SVIL: variants seen among roughly 807,000 people sequenced by gnomAD.
The protein encoded by SVIL is supervillin.
A neutral mutation model predicts 240.4 loss-of-function variants in SVIL; 101 were observed. The observed-to-expected ratio is 0.42, with a 90% confidence interval of 0.36 to 0.50. SVIL has a LOEUF of 0.50. Among genes scored for constraint, SVIL ranks in the 20% least tolerant of loss-of-function variants. The pLI is 0.01. For synonymous variants in SVIL, 999 were observed against 1,100.0 expected (o/e 0.91, Z 1.82); for missense variants, 2,512 against 2,818.7 (o/e 0.89, Z 2.46).
At chr10:29,719,300 G>A (rs956785564) in intron 1 of SVIL, among the ~76,000 whole-genome samples, 2 of 152,090 alleles carry the variant, frequency 1.3e-5, no homozygotes, top group Non-Finnish European at 2.9e-5. Flanking sequence ...TGGAACACTC[G>A]GTATAAACGG....
At chr10:29,507,678 G>A in intron 17 of SVIL, 1 of 838,322 alleles carries the variant, frequency 1.2e-6, no homozygotes, top group Non-Finnish European at 1.4e-6. Flanking sequence ...TAAAACAGAA[G>A]TTCTTTTCCT....
rs144747242 is a variant in SVIL, at chr10:29,500,616, C to T, written c.3517-1353G>A. On this transcript the variant is annotated intron_variant, in intron 17 of 37. Transcript: ENST00000355867. ...AGGAGGTTCCCCAGATTGCTGCTAG[C>T]GCATCTGCTTTCAAATTACTTCTGA... Among the ~76,000 whole-genome samples the T allele has an allele frequency of 4.4e-3, 674 of 152,282 alleles. 7 individuals carry two copies. Among genetic ancestry groups the T allele is most frequent in the African/African-American group, 0.015 (624 of 41,560 alleles).
At chr10:29,577,396 A>C (rs569588724) in intron 1 of SVIL, among the ~76,000 whole-genome samples, 53 of 152,270 alleles carry the variant, frequency 3.5e-4, no homozygotes, top group African/African-American at 1.3e-3. Context: ...TTGAGTCCTC[A>C]TAGCTTAGCT....
rs749109059 is a variant in SVIL at position 29,530,628 on chromosome 10, G to A, written c.2085C>T (p.Ala695=). 1.7e-5 allele frequency: 27 copies of A among 1,614,094 alleles called. No individual in the cohort carries two copies. Among genetic ancestry groups the A allele is most frequent in the East Asian group, 4.5e-5 (2 of 44,870 alleles). ...KVDERAKLSV[A]AKRLLFREME... Reference sequence around the variant, plus strand: ...TTACCCTGAAAAGCAACCTCTTGGCGGCGACGCTCAGCTTGGCTCGTTCAT... The same window carrying A: ...TTACCCTGAAAAGCAACCTCTTGGCAGCGACGCTCAGCTTGGCTCGTTCAT... Residue 695 remains alanine (A), a synonymous_variant, in exon 11 of 38, where the codon GCC becomes GCT. Coordinates refer to ENST00000355867, the MANE Select transcript of SVIL (RefSeq NM_021738.3).
intron 1 of SVIL, among the ~76,000 whole-genome samples, chr10:29,587,764 C>G (rs1256035206): frequency 6.6e-6 from 1 of 152,182 alleles, no homozygotes; most frequent in East Asian, 1.9e-4. Context: ...AAAACAGCAA[C>G]CTGCAAATTG....
chr10:29,549,923 G>A (rs1348788696), intron 6 of SVIL, among the ~76,000 whole-genome samples: 3 of 137,988 alleles, frequency 2.2e-5, no homozygotes, highest in Non-Finnish European at 3.1e-5. Context: ...CCTAATGCTA[G>A]ATGACGAGTT....
chr10:29,508,237 G>A (rs1267739171), intron 17 of SVIL: 1 of 617,928 alleles, frequency 1.6e-6, no homozygotes, highest in Non-Finnish European at 2.6e-6. Flanking sequence ...GATAAGAAAA[G>A]CACCAGGGAG....
In SVIL at chr10:29,697,794, TA is replaced by T. The variant is rs1330703474; in HGVS notation, c.-399-11144del. 777 of 209,718 alleles carry T rather than the reference TA, an allele frequency of 3.7e-3. 1 individual carries two copies. Among genetic ancestry groups the T allele is most frequent in the Middle Eastern group, 6.1e-3 (4 of 656 alleles). 13.0% of individuals were successfully genotyped at this position (209,718 alleles called of 1,614,324 possible). On this transcript the variant is annotated intron_variant, in intron 1 of 35. Coordinates refer to the SVIL transcript ENST00000375400. ...TGAGAAACACCCAAGAATGATCAAT[TA>T]AAAAAAAAATAAAATTAAAAAGAAA... is the stretch of plus-strand genomic sequence containing the variant.
intron 17 of SVIL, among the ~76,000 whole-genome samples, chr10:29,504,353 C>T (rs1257638376): frequency 6.6e-6 from 1 of 152,062 alleles, no homozygotes; most frequent in Non-Finnish European, 1.5e-5. Context: ...CTGAACTTCA[C>T]TGAAATTAAA....
intron 1 of SVIL, among the ~76,000 whole-genome samples, chr10:29,712,894 G>A (rs1041708473): frequency 1.3e-5 from 2 of 152,108 alleles, no homozygotes; most frequent in African/African-American, 4.8e-5. Flanking sequence ...TGCAATGGTA[G>A]GGCTGGGCAC....
chr10:29,531,504 T>C (rs950302785), intron 9 of SVIL, among the ~76,000 whole-genome samples: 1 of 152,246 alleles, frequency 6.6e-6, no homozygotes, highest in Admixed American at 6.5e-5. Flanking sequence ...ACACACCCCG[T>C]GGAGAGAGAC....
At chr10:29,545,860 A>C (rs1952630472) in intron 6 of SVIL, among the ~76,000 whole-genome samples, 1 of 128,934 alleles carries the variant, frequency 7.8e-6, no homozygotes. Context: ...TCTCAAAAAA[A>C]AAAAAAAAAA....
intron 2 of SVIL, among the ~76,000 whole-genome samples, chr10:29,681,414 T>TGTGTGTGG (rs1960638221): frequency 6.9e-6 from 1 of 144,188 alleles, no homozygotes; most frequent in African/African-American, 2.5e-5. Context: ...ATGGTGTGTG[T>TGTGTGTGG]GTGTGTGTGT....
Position 29,484,876 on chromosome 10 carries a change from C to A in SVIL, c.4780-45G>T. Reference sequence around the variant, plus strand: ...AGAATTTGTTAACTTCAAGAACATGCAACAGTTGAATCAGGTGCAACAGGG... The same window carrying A: ...AGAATTTGTTAACTTCAAGAACATGAAACAGTTGAATCAGGTGCAACAGGG... On this transcript the variant is annotated intron_variant, in intron 26 of 37. Coordinates refer to ENST00000355867, the MANE Select transcript of SVIL (RefSeq NM_021738.3). This position sits in a 1 kb window ranked among gnomAD's most constrained non-coding sequence, Gnocchi z 4.7. 1 of 1,550,624 alleles carries A rather than the reference C, an allele frequency of 6.4e-7. No homozygotes were observed. Among genetic ancestry groups the A allele is most frequent in the Non-Finnish European group, 8.7e-7 (1 of 1,143,306 alleles).
At chr10:29,627,614 C>T (rs991089341) in intron 1 of SVIL, among the ~76,000 whole-genome samples, 6 of 152,266 alleles carry the variant, frequency 3.9e-5, no homozygotes, top group African/African-American at 9.6e-5. Context: ...GTGTTCTCCA[C>T]GCCACGTGCC....
chr10:29,561,174 T>C (rs1042282233), intron 3 of SVIL, among the ~76,000 whole-genome samples: 2 of 152,154 alleles, frequency 1.3e-5, no homozygotes, highest in African/African-American at 4.8e-5. Context: ...CATGTTAATT[T>C]AGAAACACCA....
intron 1 of SVIL, among the ~76,000 whole-genome samples, chr10:29,690,649 C>T (rs1424845174): frequency 1.3e-5 from 2 of 151,918 alleles, no homozygotes; most frequent in Non-Finnish European, 2.9e-5. Context: ...ATTACAAAAT[C>T]ACAAATGACT....
rs114339995 is a variant in SVIL, at chr10:29,611,937, C to A, written c.-201+22483G>T. 3.0e-3 allele frequency among the ~76,000 whole-genome samples: 452 copies of A among 152,248 alleles called. 2 individuals carry two copies. Among genetic ancestry groups the A allele is most frequent in the African/African-American group, 0.011 (440 of 41,532 alleles). ...AATCTCTCATTCCATGGACTTTACG[C>A]TCCAGGAGATACCAAATGGCCCAGT... On this transcript the variant is annotated intron_variant, in intron 1 of 37. Coordinates refer to ENST00000355867, the MANE Select transcript of SVIL (RefSeq NM_021738.3).
chr10:29,715,121 A>G (rs1259670642), intron 1 of SVIL, among the ~76,000 whole-genome samples: 12 of 152,142 alleles, frequency 7.9e-5, no homozygotes, highest in Admixed American at 3.9e-4. Context: ...GTCAGAATAT[A>G]AATTGAACTT....
Sources: gnomAD v4.1 joint callset for allele counts (sites outside exome capture counted in the v4.1 genomes callset) on GRCh38, gnomAD v4.1.1 for gene constraint, Gnocchi (gnomAD v3.1) non-coding constraint, MANE v1.5 for transcripts, NCBI Gene and HGNC (gene_info 2026-07-23, HGNC 2026-07-21) for gene names.